The following ARFGEF3 variants were observed in gnomAD, a reference collection of about 807,000 sequenced individuals.
The protein encoded by ARFGEF3 is ARFGEF family member 3, also known as brefeldin A-inhibited guanine nucleotide-exchange protein 3.
ARFGEF3 carries 96 observed loss-of-function variants against 221.7 expected under a neutral mutation model. That is an observed-to-expected ratio of 0.43 (90% CI 0.37 to 0.51). ARFGEF3 has a LOEUF of 0.51. Ranked by LOEUF, ARFGEF3 falls within the 20% of genes least tolerant of loss-of-function variation. ARFGEF3 has a pLI of 0.00. For synonymous variants in ARFGEF3, 1,145 were observed against 1,126.8 expected (o/e 1.02, Z -0.32); for missense variants, 2,410 against 2,789.9 (o/e 0.86, Z 3.07).
intron 4 of ARFGEF3, among the ~76,000 whole-genome samples, chr6:138,218,750 T>C (rs900137274): frequency 1.3e-5 from 2 of 152,130 alleles, no homozygotes; most frequent in South Asian, 2.1e-4. Context: ...CAGAGACAAT[T>C]TGAGATGAGG....
intron 15 of ARFGEF3, 90 bp from the exon 16 acceptor site, chr6:138,286,611 C>A: frequency 1.0e-6 from 1 of 980,944 alleles, no homozygotes; most frequent in Non-Finnish European, 1.6e-6. Context: ...CAACTGAGTA[C>A]TGCTCATTTG....
At chr6:138,325,689 A>T (rs1373943040) in intron 31 of ARFGEF3, among the ~76,000 whole-genome samples, 1 of 152,262 alleles carries the variant, frequency 6.6e-6, no homozygotes, top group African/African-American at 2.4e-5. Flanking sequence ...AAGCATTTGC[A>T]CGTGTGCACA....
At position 138,334,452 on chromosome 6, in the gene ARFGEF3, T is replaced by C. The variant is rs751131861; in HGVS notation, c.5606T>C (p.Val1869Ala). The change falls in exon 33 of 34, where the codon GTC becomes GCC. Residue 1869 changes from valine (V) to alanine (A), a missense_variant. By Grantham distance (64) the Val-to-Ala change is moderately conservative. This residue lies in a region of ARFGEF3 where 723 missense variants were observed against 991.9 expected (regional missense o/e 0.73). Transcript: ENST00000251691. The surrounding 1 kb of genome is among the most constrained non-coding windows in gnomAD (Gnocchi z 5.1). ...DEDIFEETAQ[V>A]SPPRGKEKRQ... The stretch of plus-strand genomic sequence containing the variant: ...GACATCTTTGAGGAAACCGCCCAGG[T>C]CAGCCCCCCGAGAGGCAAGGAGAAG... The C allele has an allele frequency of 1.1e-5, 17 of 1,610,662 alleles. No homozygotes were observed. The Admixed American group carries it at 2.3e-4, about 22-fold the overall frequency.
At chr6:138,221,851 C>T (rs937563308) in intron 4 of ARFGEF3, among the ~76,000 whole-genome samples, 8 of 152,152 alleles carry the variant, frequency 5.3e-5, no homozygotes, top group African/African-American at 1.9e-4. Context: ...TATTTAGGAG[C>T]TCTAGCAAAA....
In ARFGEF3 at chr6:138,339,571, G is replaced by C. The variant is rs1356095220; in HGVS notation, c.*3085G>C. The C allele has an allele frequency of 6.6e-6, 1 of 152,052 alleles. No individual in the cohort carries two copies. The highest frequency in any genetic ancestry group is 1.9e-4 in the East Asian group (1 of 5,190). The allele number at this position is 152,052 out of a possible 1,614,324, so 9.4% of individuals were successfully genotyped here. ...TCTTTCTCTTCTTTTCCTAAATTTT[G>C]GTAAAGTGTGCTTCATGAAACAAAC... On this transcript the variant is annotated 3_prime_UTR_variant, in exon 34 of 34. Transcript: ENST00000251691.
chr6:138,308,225 G>A (rs1779762075), intron 23 of ARFGEF3, among the ~76,000 whole-genome samples: 1 of 152,100 alleles, frequency 6.6e-6, no homozygotes, highest in African/African-American at 2.4e-5. Flanking sequence ...GTCTAGGCAC[G>A]GTGAACTACT....
intron 4 of ARFGEF3, chr6:138,216,997 C>A (rs1159195690): frequency 6.6e-6 from 1 of 152,202 alleles, no homozygotes; most frequent in Non-Finnish European, 1.5e-5. Flanking sequence ...GAGTTTTCCT[C>A]CCATCTTTCT....
chr6:138,286,797 A>G lies in ARFGEF3; in HGVS notation c.2666A>G (p.Lys889Arg), dbSNP rs773372995. The G allele has an allele frequency of 1.9e-6, 3 of 1,614,036 alleles. No individual in the cohort carries two copies. The Admixed American group carries it at 5.0e-5, about 27-fold the overall frequency. The stretch of plus-strand genomic sequence containing the variant: ...ACTGGTCGAATGGCGGGGAGCTCCA[A>G]AGGGCTGGCCTTCATTCTGGGAGCT... ...PLTGRMAGSSKGLAFILGAEG... is the reference protein window; with the variant it reads ...PLTGRMAGSSRGLAFILGAEG... Residue 889 changes from lysine (K) to arginine (R), a missense_variant, in exon 16 of 34, where the codon AAA (lysine) becomes AGA (arginine). Lys to Arg is a conservative substitution (Grantham distance 26). This residue lies in a region of ARFGEF3 where 594 missense variants were observed against 734.3 expected (regional missense o/e 0.81). Transcript: ENST00000251691.
intron 2 of ARFGEF3, among the ~76,000 whole-genome samples, chr6:138,204,992 T>C (rs1163256417): frequency 6.6e-6 from 1 of 152,142 alleles, no homozygotes; most frequent in East Asian, 1.9e-4. Flanking sequence ...ACAACCTGGC[T>C]CAGGTCAACA....
intron 12 of ARFGEF3, among the ~76,000 whole-genome samples, chr6:138,271,108 A>G (rs1778996548): frequency 1.3e-5 from 2 of 152,338 alleles, no homozygotes; most frequent in African/African-American, 4.8e-5. Context: ...ATGGAGGAAG[A>G]GAAGTATTCT....
At chr6:138,330,100 G>A (rs1287966998) in intron 32 of ARFGEF3, among the ~76,000 whole-genome samples, 1 of 152,142 alleles carries the variant, frequency 6.6e-6, no homozygotes, top group East Asian at 1.9e-4. Context: ...GCAGGAACAG[G>A]CCATTTTCAC....
chr6:138,324,549 A>C (rs1211665036), intron 31 of ARFGEF3, among the ~76,000 whole-genome samples: 1 of 152,202 alleles, frequency 6.6e-6, no homozygotes. Flanking sequence ...CACAACACAG[A>C]ACTTAACATT....
chr6:138,293,442 A>G (rs1351186848), intron 19 of ARFGEF3, among the ~76,000 whole-genome samples: 4 of 152,174 alleles, frequency 2.6e-5, no homozygotes, highest in African/African-American at 4.8e-5. Context: ...ATTGGGGAAC[A>G]TTCTTTCTTC....
At chr6:138,321,850 A>G (rs1780032801) in intron 29 of ARFGEF3, among the ~76,000 whole-genome samples, 1 of 152,226 alleles carries the variant, frequency 6.6e-6, no homozygotes, top group Admixed American at 6.5e-5. Context: ...CATGCTGCTG[A>G]TAAAGACACA....
At position 138,211,528 on chromosome 6, in the gene ARFGEF3, C is replaced by T. The variant is rs190055783; in HGVS notation, c.351+1487C>T. Among the ~76,000 whole-genome samples, 33 of 152,284 alleles carry T rather than the reference C, an allele frequency of 2.2e-4. No individual in the cohort carries two copies. The South Asian group carries it at 4.8e-3, about 22-fold the overall frequency. ...GAAAAAGAGGCAAGACCAACTGCCACGCTAATCACTTTTGTAACTTCAAAG... is the reference window on the plus strand; with the variant it reads ...GAAAAAGAGGCAAGACCAACTGCCATGCTAATCACTTTTGTAACTTCAAAG... On this transcript the variant is annotated intron_variant, in intron 4 of 33. Transcript: ENST00000251691.
chr6:138,182,474 T>C (rs1358759520), intron 2 of ARFGEF3, among the ~76,000 whole-genome samples: 1 of 152,200 alleles, frequency 6.6e-6, no homozygotes, highest in African/African-American at 2.4e-5. Flanking sequence ...TCAAATGCAA[T>C]TTCCAAGGAG....
chr6:138,249,081 T>C (rs1778535642), intron 8 of ARFGEF3, among the ~76,000 whole-genome samples: 1 of 152,250 alleles, frequency 6.6e-6, no homozygotes, highest in Non-Finnish European at 1.5e-5. Flanking sequence ...ATACATTTGC[T>C]TTAAACTGGT....
At chr6:138,264,737 C>A (rs1778855312) in intron 12 of ARFGEF3, among the ~76,000 whole-genome samples, 1 of 152,126 alleles carries the variant, frequency 6.6e-6, no homozygotes, top group Admixed American at 6.5e-5. Flanking sequence ...ACTTCACACA[C>A]ATACATGAAA....
chr6:138,326,359 G>T (rs2114687817), intron 31 of ARFGEF3, among the ~76,000 whole-genome samples: 1 of 152,272 alleles, frequency 6.6e-6, no homozygotes, highest in South Asian at 2.1e-4. Flanking sequence ...AAGGCAGGAG[G>T]ATTGCTTGAG....
Sources: gnomAD v4.1 joint callset for allele counts (sites outside exome capture counted in the v4.1 genomes callset) on GRCh38, gnomAD v4.1.1 for gene constraint, gnomAD v4.1.1 regional missense constraint, Gnocchi (gnomAD v3.1) non-coding constraint, MANE v1.5 for transcripts, NCBI Gene and HGNC (gene_info 2026-07-23, HGNC 2026-07-21) for gene names.